NDUFAF6: variants seen among roughly 807,000 people sequenced by gnomAD.
NDUFAF6 encodes the protein NADH:ubiquinone oxidoreductase complex assembly factor 6, also known as NADH dehydrogenase (ubiquinone) complex I, assembly factor 6.
In NDUFAF6, 45 loss-of-function variants were observed where a neutral mutation model predicts 40.8. The observed-to-expected ratio is 1.10, with a 90% CI of 0.87 to 1.42. NDUFAF6 has a LOEUF of 1.42. NDUFAF6 is among the 40% of genes most tolerant of loss of function. The probability of loss-of-function intolerance (pLI) is 0.00; values close to 1 mark genes in which losing one functional copy is unlikely to be tolerated. For missense variants in NDUFAF6, 435 were observed against 418.5 expected (o/e 1.04, Z -0.34); for synonymous variants, 185 against 155.9 (o/e 1.19, Z -1.39).
At chr8:95,032,163 A>G (rs1828931400) in intron 2 of NDUFAF6, 69 bp downstream of exon 2, 2 of 1,277,122 alleles carry the variant, frequency 1.6e-6, no homozygotes, top group Non-Finnish European at 2.3e-6. Flanking sequence ...GCTGAACAAT[A>G]AAGAAATATA....
intron 2 of NDUFAF6, among the ~76,000 whole-genome samples, chr8:95,014,285 A>T (rs907629406): frequency 1.3e-5 from 2 of 152,236 alleles, no homozygotes; most frequent in African/African-American, 4.8e-5. Context: ...CAGATAACTG[A>T]ATTGTGTCAA....
chr8:94,951,132 G>A, intron 2 of NDUFAF6: 1 of 152,200 alleles, frequency 6.6e-6, no homozygotes. Context: ...CTTCTGCTTT[G>A]TACTCTGGAA....
intron 7 of NDUFAF6, 149 bp downstream of exon 7, chr8:95,048,707 TA>T (rs1467873269): frequency 2.8e-6 from 2 of 703,738 alleles, no homozygotes; most frequent in Non-Finnish European, 2.5e-6. Context: ...GAGTCTGTTG[TA>T]AACTTTTTTC....
intron 1 of NDUFAF6, among the ~76,000 whole-genome samples, chr8:94,902,061 A>T (rs1396194767): frequency 2.0e-5 from 3 of 152,180 alleles, no homozygotes; most frequent in Non-Finnish European, 2.9e-5. Context: ...AAAAGAAAAA[A>T]AAAAGGAGAT....
chr8:94,922,058 A>C (rs1586656247), intron 1 of NDUFAF6, among the ~76,000 whole-genome samples: 1 of 152,118 alleles, frequency 6.6e-6, no homozygotes, highest in African/African-American at 2.4e-5. Flanking sequence ...GTTGGAGTGC[A>C]GTAACATGAT....
intron 1 of NDUFAF6, among the ~76,000 whole-genome samples, chr8:95,029,533 C>G (rs1193077397): frequency 1.3e-5 from 2 of 152,208 alleles, no homozygotes; most frequent in Non-Finnish European, 2.9e-5. Context: ...CCAGTATTAC[C>G]ATTTAATCCA....
At position 95,068,087 on chromosome 8, in the gene NDUFAF6, TG is replaced by T. The variant is rs1236607942; in HGVS notation, c.*512-7542del. ...TTTGTCTAGAGAAACAGGCTTTTGT[TG>T]GGGATTTTTTATTTGCTCCCGTTGG... On this transcript the variant is annotated intron_variant and NMD_transcript_variant, in intron 9 of 9. Coordinates refer to the NDUFAF6 transcript ENST00000520757. The T allele has an allele frequency of 4.6e-5, 7 of 151,976 alleles. No homozygotes were observed. The East Asian group carries it at 1.3e-3, about 29-fold the overall frequency. The allele number at this position is 151,976 out of a possible 1,614,324, so 9.4% of individuals were successfully genotyped here.
intron 1 of NDUFAF6, chr8:94,930,800 GC>G (rs1337995091): frequency 6.6e-7 from 1 of 1,523,488 alleles, no homozygotes; most frequent in African/African-American, 1.4e-5. Flanking sequence ...AAGTTACTTA[GC>G]AATTCAATTT....
chr8:95,117,538 T>C (rs1051341629), downstream of NDUFAF6, among the ~76,000 whole-genome samples: 37 of 152,174 alleles, frequency 2.4e-4, no homozygotes, highest in Admixed American at 1.3e-3. Flanking sequence ...TGCACTTTTG[T>C]TATGTTTGGA....
At chr8:94,996,975 A>G (rs1826458863) in intron 2 of NDUFAF6, among the ~76,000 whole-genome samples, 1 of 152,226 alleles carries the variant, frequency 6.6e-6, no homozygotes, top group Non-Finnish European at 1.5e-5. Flanking sequence ...TTTAAGCCCC[A>G]GTACCTGGTG....
chr8:95,110,841 A>G (rs185930183), intron 4 of NDUFAF6, among the ~76,000 whole-genome samples: 1 of 152,324 alleles, frequency 6.6e-6, no homozygotes, highest in African/African-American at 2.4e-5. Context: ...TCTGGATCCC[A>G]CAATTCAGAG....
intron 3 of NDUFAF6, among the ~76,000 whole-genome samples, chr8:95,036,709 TG>T (rs1829546966): frequency 6.6e-6 from 1 of 152,256 alleles, no homozygotes; most frequent in South Asian, 2.1e-4. Flanking sequence ...GAGAGTCCTT[TG>T]ATGCAAATTT....
At chr8:94,923,998 T>C (rs1194152079) in intron 1 of NDUFAF6, among the ~76,000 whole-genome samples, 2 of 152,036 alleles carry the variant, frequency 1.3e-5, no homozygotes, top group African/African-American at 4.8e-5. Flanking sequence ...TGAATTTTGC[T>C]TTTTTTCACT....
At chr8:94,906,391 A>G (rs1818393915) in intron 1 of NDUFAF6, among the ~76,000 whole-genome samples, 2 of 151,990 alleles carry the variant, frequency 1.3e-5, no homozygotes, top group South Asian at 4.2e-4. Context: ...GTGACCCCAT[A>G]TGTATTTCTC....
At chr8:94,925,601 G>A (rs371897239) in intron 1 of NDUFAF6, among the ~76,000 whole-genome samples, 8 of 145,214 alleles carry the variant, frequency 5.5e-5, no homozygotes, top group Middle Eastern at 3.6e-3. Context: ...CCCAGGCTGC[G>A]CAGTCTCAGC....
At chr8:95,030,714 T>G (rs1283623824) in intron 1 of NDUFAF6, among the ~76,000 whole-genome samples, 3 of 152,248 alleles carry the variant, frequency 2.0e-5, no homozygotes, top group African/African-American at 7.2e-5. Flanking sequence ...GAGTCAGTTA[T>G]TCCTTCCAGG....
At chr8:94,927,675 ATAT>A (rs2131297049) in intron 1 of NDUFAF6, 1 of 152,272 alleles carries the variant, frequency 6.6e-6, no homozygotes, top group East Asian at 1.9e-4. Flanking sequence ...CATAAGATAT[ATAT>A]TATAAAATGT....
chr8:94,913,872 G>C (rs1048252272), intron 1 of NDUFAF6, among the ~76,000 whole-genome samples: 17 of 152,078 alleles, frequency 1.1e-4, no homozygotes, highest in African/African-American at 3.9e-4. Flanking sequence ...GCTCACTGCA[G>C]CCTCTGCCTC....
intron 4 of NDUFAF6, among the ~76,000 whole-genome samples, chr8:95,114,095 A>G (rs958336943): frequency 1.3e-5 from 2 of 151,968 alleles, no homozygotes; most frequent in African/African-American, 4.8e-5. Flanking sequence ...AGCATGGCAC[A>G]TGTATACGTA....
Sources: gnomAD v4.1 joint callset for allele counts (sites outside exome capture counted in the v4.1 genomes callset) on GRCh38, gnomAD v4.1.1 for gene constraint, MANE v1.5 for transcripts, NCBI Gene and HGNC (gene_info 2026-07-23, HGNC 2026-07-21) for gene names.